LONP2: variants seen among roughly 807,000 people sequenced by gnomAD.
LONP2 encodes lon peptidase 2, peroxisomal.
In LONP2, 60 loss-of-function variants were observed where a neutral mutation model predicts 85.6. The observed-to-expected ratio is 0.70, with a 90% CI of 0.57 to 0.87. The LOEUF is 0.87. Among genes scored for constraint, LONP2 ranks in the 40% least tolerant of loss-of-function variants. The pLI, the probability that LONP2 is intolerant of heterozygous loss-of-function variation, is 0.00. For synonymous variants in LONP2, 395 were observed against 389.7 expected, an observed-to-expected ratio of 1.01 and a Z score of -0.16; for missense variants, 860 against 1,063.5, an observed-to-expected ratio of 0.81 and a Z score of 2.66.
At chr16:48,255,191 T>G (rs979958600) in intron 2 of LONP2, among the ~76,000 whole-genome samples, 3 of 152,230 alleles carry the variant, frequency 2.0e-5, no homozygotes, top group African/African-American at 7.2e-5. Flanking sequence ...TGGCTCATGC[T>G]TCATGCCTGA....
At chr16:48,262,693 C>T in intron 5 of LONP2, 85 bp from the exon 6 acceptor site, 3 of 806,780 alleles carry the variant, frequency 3.7e-6, no homozygotes, top group South Asian at 1.7e-5. Flanking sequence ...TATATCTAAC[C>T]AAGAAAGAGA....
intron 2 of LONP2, among the ~76,000 whole-genome samples, chr16:48,254,233 C>A (rs1971710487): frequency 6.6e-6 from 1 of 152,218 alleles, no homozygotes; most frequent in Non-Finnish European, 1.5e-5. Flanking sequence ...TGTCTTGCGT[C>A]AACTCTAGTT....
At chr16:48,320,541 T>A (rs924895560) in intron 11 of LONP2, among the ~76,000 whole-genome samples, 2 of 151,548 alleles carry the variant, frequency 1.3e-5, no homozygotes, top group African/African-American at 4.9e-5. Context: ...AAAAAAAAAA[T>A]AGATCTAGAG....
At chr16:48,245,834 A>G (rs1184090138) in intron 1 of LONP2, among the ~76,000 whole-genome samples, 5 of 152,068 alleles carry the variant, frequency 3.3e-5, no homozygotes, top group Non-Finnish European at 7.4e-5. Context: ...TTATTGGACA[A>G]TGCTGGTATA....
rs761507299 is a variant in LONP2 at position 48,351,730 on chromosome 16, G to A, written c.2487G>A (p.Glu829=). The A allele has an allele frequency of 6.8e-6, 11 of 1,614,144 alleles. No homozygotes were observed. The East Asian group carries it at 2.5e-4, about 36-fold the overall frequency. Residue 829 remains glutamate, a synonymous_variant, in exon 15 of 15, where the codon GAG becomes GAA. Transcript: ENST00000285737. Reference sequence around the variant, plus strand: ...TTGTCACAGCAAGCTGCCTGGATGAGGTTCTTAATGCAGCTTTTGATGGTG... The same window carrying A: ...TTGTCACAGCAAGCTGCCTGGATGAAGTTCTTAATGCAGCTTTTGATGGTG... ...LSFVTASCLD[E]VLNAAFDGGF...
chr16:48,251,778 T>A (rs1169485351), intron 1 of LONP2, among the ~76,000 whole-genome samples: 1 of 152,240 alleles, frequency 6.6e-6, no homozygotes, highest in East Asian at 1.9e-4. Context: ...ATAATATTTA[T>A]CCTGGTATAA....
At chr16:48,289,200 A>G (rs113252389) in intron 8 of LONP2, among the ~76,000 whole-genome samples, 1 of 152,184 alleles carries the variant, frequency 6.6e-6, no homozygotes. Context: ...TTTAGGAAGT[A>G]TATTTGGCCA....
rs1973274888 is a variant in LONP2 at position 48,321,959 on chromosome 16, CT to C, written c.1796-12255del. The stretch of plus-strand genomic sequence containing the variant: ...TAATTTTTTTCTTTTTTTTTTTTTA[CT>C]TCTTTTTCTTTTTTTGAGACAGGCT... On this transcript the variant is annotated intron_variant, in intron 11 of 14. Transcript: ENST00000285737. Among the ~76,000 whole-genome samples the C allele has an allele frequency of 5.5e-5, 8 of 144,430 alleles. No homozygotes were observed. In the South Asian group the frequency reaches 1.7e-3, roughly 32 times the overall value. The allele number at this position is 144,430 out of a possible 152,430, so 94.8% of individuals were successfully genotyped here.
chr16:48,292,256 A>C (rs1432246385), intron 8 of LONP2, among the ~76,000 whole-genome samples: 2 of 152,208 alleles, frequency 1.3e-5, no homozygotes, highest in Non-Finnish European at 1.5e-5. Flanking sequence ...TGTAAAGAAT[A>C]AGCTATCAAT....
At chr16:48,362,121 G>A, downstream of LONP2, 1 of 1,614,176 alleles carries the variant, frequency 6.2e-7, no homozygotes, top group Non-Finnish European at 8.5e-7. This position sits in a 1 kb window ranked among gnomAD's most constrained non-coding sequence, Gnocchi z 4.2. Context: ...TTCACATCCA[G>A]AAGACGCATA....
intron 14 of LONP2, 61 bp from the exon 15 acceptor site, chr16:48,351,520 C>A: frequency 7.5e-7 from 1 of 1,335,254 alleles, no homozygotes; most frequent in South Asian, 1.3e-5. Flanking sequence ...AAAGCTGGGT[C>A]AGGGTTTCTT....
intron 8 of LONP2, among the ~76,000 whole-genome samples, chr16:48,292,603 C>A (rs1015387060): frequency 1.3e-5 from 2 of 152,210 alleles, no homozygotes; most frequent in African/African-American, 4.8e-5. Context: ...TTTCCCCTTA[C>A]AAAGTAAACT....
intron 11 of LONP2, among the ~76,000 whole-genome samples, chr16:48,315,207 A>G (rs565067626): frequency 6.6e-6 from 1 of 152,314 alleles, no homozygotes; most frequent in East Asian, 1.9e-4. Context: ...TTAATTCTCA[A>G]CATTCTCCAG....
rs747763646 is a variant in LONP2, at chr16:48,299,650, C to T, written c.1535-12C>T. ...TGTAAATAATTACAAAACAAGATCT[C>T]TTCTTTTCCAGGTTATACACAGGAG... On this transcript the variant is annotated splice_polypyrimidine_tract_variant and intron_variant, in intron 9 of 14. Coordinates refer to ENST00000285737, the MANE Select transcript of LONP2 (RefSeq NM_031490.5). 4 of 1,596,134 alleles carry T rather than the reference C, an allele frequency of 2.5e-6. No individual in the cohort carries two copies. In the Admixed American group the frequency reaches 5.5e-5, roughly 22 times the overall value.
chr16:48,257,871 G>T (rs1206299009), intron 3 of LONP2, among the ~76,000 whole-genome samples: 1 of 152,196 alleles, frequency 6.6e-6, no homozygotes, highest in African/African-American at 2.4e-5. Context: ...AGAGCGGCCT[G>T]TGCTCCGACA....
chr16:48,296,168 A>G lies in LONP2; in HGVS notation c.1534+3A>G. The G allele has an allele frequency of 1.2e-6, 2 of 1,613,782 alleles. No individual in the cohort carries two copies. Among genetic ancestry groups the G allele is most frequent in the Non-Finnish European group, 1.7e-6 (2 of 1,179,918 alleles). On this transcript the variant is annotated splice_donor_region_variant and intron_variant, in intron 9 of 14. Coordinates refer to ENST00000285737, the MANE Select transcript of LONP2 (RefSeq NM_031490.5). The stretch of plus-strand genomic sequence containing the variant: ...AATGGAGATCATTCAGGTTCCAGGT[A>G]CCTGACTCTTAAATCATTATGATAC...
Position 48,347,577 on chromosome 16 carries a change from T to C in LONP2, c.2009T>C (p.Met670Thr), listed in dbSNP as rs1039563028. The C allele has an allele frequency of 4.3e-6, 7 of 1,614,138 alleles. No homozygotes were observed. In the South Asian group the frequency reaches 4.4e-5, roughly 10 times the overall value. ...TGGACTCCCTTAGGTGGAGAAATCATGTTCGTGGAGGCGAGTCGAATGGAT... is the reference window on the plus strand; with the variant it reads ...TGGACTCCCTTAGGTGGAGAAATCACGTTCGTGGAGGCGAGTCGAATGGAT... ...LAWTPLGGEIMFVEASRMDGE... is the reference protein window; with the variant it reads ...LAWTPLGGEITFVEASRMDGE... The change falls in exon 13 of 15, where the codon ATG becomes ACG. Residue 670 changes from methionine to threonine, a missense_variant. Coordinates refer to ENST00000285737, the MANE Select transcript of LONP2 (RefSeq NM_031490.5).
rs575991557 is a variant in LONP2 at position 48,304,590 on chromosome 16, G to C, written c.1795+1285G>C. ...GTGGTGTTGGGCGCCTGTAGTCCCC[G>C]CTACTCTGGAGGTTGAGGCAGGAGA... On this transcript the variant is annotated intron_variant, in intron 11 of 14. Coordinates refer to ENST00000285737, the MANE Select transcript of LONP2 (RefSeq NM_031490.5). Among the ~76,000 whole-genome samples the C allele has an allele frequency of 1.1e-3, 167 of 152,248 alleles. 8 individuals are homozygous for C. Among genetic ancestry groups the C allele is most frequent in the Admixed American group, 9.0e-3 (138 of 15,294 alleles).
intron 3 of LONP2, among the ~76,000 whole-genome samples, chr16:48,257,226 G>A (rs980994421): frequency 6.6e-6 from 1 of 152,052 alleles, no homozygotes; most frequent in Non-Finnish European, 1.5e-5. Flanking sequence ...CAGGAGAATC[G>A]CTTGAACCTG....
Sources: gnomAD v4.1 joint callset for allele counts (sites outside exome capture counted in the v4.1 genomes callset) on GRCh38, gnomAD v4.1.1 for gene constraint, Gnocchi (gnomAD v3.1) non-coding constraint, MANE v1.5 for transcripts, NCBI Gene and HGNC (gene_info 2026-07-23, HGNC 2026-07-21) for gene names.